The following SLC5A1 variants were observed in gnomAD, a reference collection of about 807,000 sequenced individuals.
SLC5A1 encodes the protein solute carrier family 5 member 1.
A neutral mutation model predicts 73.5 loss-of-function variants in SLC5A1; 42 were observed. The observed-to-expected ratio is 0.57, with a 90% confidence interval of 0.45 to 0.74. The LOEUF (loss-of-function observed/expected upper bound fraction) is 0.74. SLC5A1 is among the 30% of genes least tolerant of loss of function. The probability of loss-of-function intolerance (pLI) is 0.00; values close to 1 mark genes in which losing one functional copy is unlikely to be tolerated. For missense variants in SLC5A1, 634 were observed against 855.4 expected, an observed-to-expected ratio of 0.74 and a Z score of 3.23; for synonymous variants, 300 against 317.4, an observed-to-expected ratio of 0.95 and a Z score of 0.58.
At chr22:32,052,346 A>T (rs2093946154) in intron 2 of SLC5A1, among the ~76,000 whole-genome samples, 3 of 152,188 alleles carry the variant, frequency 2.0e-5, no homozygotes, top group Admixed American at 2.0e-4. Context: ...TGGGTAAAAT[A>T]TATCTGATTT....
Position 32,085,047 on chromosome 22 carries a change from T to C in SLC5A1, c.1021+12T>C. ...CATTCTGTACACAGGTAATAACTTC[T>C]GCTGGACCCACAAACCACTCTCCCT... On this transcript the variant is annotated intron_variant, in intron 9 of 14. Transcript: ENST00000266088. The C allele has an allele frequency of 6.2e-7, 1 of 1,614,166 alleles. No individual in the cohort carries two copies. Among genetic ancestry groups the C allele is most frequent in the Non-Finnish European group, 8.5e-7 (1 of 1,180,012 alleles).
intron 9 of SLC5A1, among the ~76,000 whole-genome samples, chr22:32,085,268 T>C (rs1019637073): frequency 7.2e-5 from 11 of 152,124 alleles, no homozygotes; most frequent in African/African-American, 2.7e-4. Flanking sequence ...ACTACAGGTA[T>C]GTACCACCAT....
rs201676029 is a variant in SLC5A1 at position 32,110,136 on chromosome 22, T to C, written c.1918T>C (p.Leu640=). The change falls in exon 15 of 15, where the codon TTG becomes CTG. Residue 640 remains leucine (L), a synonymous_variant. Coordinates refer to ENST00000266088, the MANE Select transcript of SLC5A1 (RefSeq NM_000343.4). ...MKMTDTSEKP[L]WRTVLNVNGI... is the part of the protein sequence containing the mutation. ...GATGACGGACACCTCTGAGAAGCCT[T>C]TGTGGAGGACAGTGTTGAACGTCAA... 9.8e-5 allele frequency: 158 copies of C among 1,614,016 alleles called. No individual in the cohort carries two copies. The highest frequency in any genetic ancestry group is 1.3e-4 in the Non-Finnish European group (155 of 1,180,004).
chr22:32,071,218 G>C (rs1198767378), intron 5 of SLC5A1, among the ~76,000 whole-genome samples: 1 of 152,214 alleles, frequency 6.6e-6, no homozygotes, highest in Non-Finnish European at 1.5e-5. Flanking sequence ...TTGGGAGGCT[G>C]AGGCATGAGG....
intron 2 of SLC5A1, among the ~76,000 whole-genome samples, chr22:32,064,732 C>T (rs78452946): frequency 2.6e-4 from 39 of 152,286 alleles, no homozygotes; most frequent in Admixed American, 1.0e-3. Flanking sequence ...CTAATCTCTA[C>T]GCTTGCCTTT....
chr22:32,098,401 C>G (rs1042729104), intron 11 of SLC5A1, among the ~76,000 whole-genome samples: 1 of 152,184 alleles, frequency 6.6e-6, no homozygotes, highest in African/African-American at 2.4e-5. Flanking sequence ...ATCACTAATT[C>G]TTATTCCCAC....
intron 5 of SLC5A1, among the ~76,000 whole-genome samples, chr22:32,079,887 A>AG (rs546142647): frequency 8.2e-4 from 125 of 152,316 alleles, no homozygotes; most frequent in Non-Finnish European, 1.2e-3. Flanking sequence ...TGCACAGCAG[A>AG]GGCGCCTTCC....
chr22:32,065,166 C>T (rs1246508359), intron 2 of SLC5A1, among the ~76,000 whole-genome samples: 5 of 152,096 alleles, frequency 3.3e-5, no homozygotes, highest in African/African-American at 1.2e-4. Context: ...AGGCTGGTCT[C>T]CAACTCCTGG....
Position 32,099,175 on chromosome 22 carries a change from A to C in SLC5A1, c.1281-8A>C. The C allele has an allele frequency of 3.8e-6, 6 of 1,583,296 alleles. No individual in the cohort carries two copies. Among genetic ancestry groups the C allele is most frequent in the Non-Finnish European group, 5.2e-6 (6 of 1,163,562 alleles). On this transcript the variant is annotated splice_region_variant and splice_polypyrimidine_tract_variant and intron_variant, in intron 11 of 14. Coordinates refer to ENST00000266088, the MANE Select transcript of SLC5A1 (RefSeq NM_000343.4). The stretch of plus-strand genomic sequence containing the variant: ...ATTGACACCTTGTTGTGGGGGCTTT[A>C]ATTTCAGGTTGTTTATCCTGGTGCT...
chr22:32,043,454 C>T lies in SLC5A1; in HGVS notation c.135+38C>T, dbSNP rs755043684. The T allele has an allele frequency of 7.5e-6, 12 of 1,609,108 alleles. No individual in the cohort carries two copies. The highest frequency in any genetic ancestry group is 4.5e-5 in the East Asian group (2 of 44,746). On this transcript the variant is annotated intron_variant, in intron 1 of 14. Coordinates refer to ENST00000266088, the MANE Select transcript of SLC5A1 (RefSeq NM_000343.4). This position sits in a 1 kb window ranked among gnomAD's most constrained non-coding sequence, Gnocchi z 6.5. ...TTCTGGGATGCGGGTGGGGAGGGTG[C>T]GCACAGAGGAGGAGCAATGGCCTCG...
rs537365750 is a variant in SLC5A1 at position 32,094,281 on chromosome 22, A to C, written c.1280+2519A>C. On this transcript the variant is annotated intron_variant, in intron 11 of 14. Coordinates refer to ENST00000266088, the MANE Select transcript of SLC5A1 (RefSeq NM_000343.4). ...GGATTTTTGCATCTATGTTCATTAG[A>C]GATATTGGTCTGTAGTTGTCTTTTT... is the stretch of plus-strand genomic sequence containing the variant. 3.3e-3 allele frequency among the ~76,000 whole-genome samples: 506 copies of C among 152,074 alleles called. 3 individuals carry two copies. Among genetic ancestry groups the C allele is most frequent in the African/African-American group, 0.012 (485 of 41,520 alleles).
chr22:32,050,063 C>T (rs2149483409), intron 2 of SLC5A1, 49 bp downstream of exon 2: 1 of 1,455,918 alleles, frequency 6.9e-7, no homozygotes, highest in Non-Finnish European at 9.7e-7. Context: ...ACTGATACTC[C>T]CTTTAGGAAC....
chr22:32,076,067 G>A (rs762507147), intron 5 of SLC5A1, among the ~76,000 whole-genome samples: 2 of 152,222 alleles, frequency 1.3e-5, no homozygotes, highest in Non-Finnish European at 2.9e-5. Context: ...AGGAGGGTTA[G>A]TGTGAGATTC....
chr22:32,073,137 C>T (rs2093985341), intron 5 of SLC5A1, among the ~76,000 whole-genome samples: 1 of 152,122 alleles, frequency 6.6e-6, no homozygotes, highest in African/African-American at 2.4e-5. Flanking sequence ...AAATGTACCC[C>T]CTTGTTTTCT....
In SLC5A1 at chr22:32,044,801, C is replaced by T. The variant is rs529600389; in HGVS notation, c.135+1385C>T. On this transcript the variant is annotated intron_variant, in intron 1 of 14. Transcript: ENST00000266088. ...CTCCCCCATGGTTGTGGTGAGGATA[C>T]GCAGAGGTGAATCTGAAAGCTGTTT... Among the ~76,000 whole-genome samples, 31 of 152,178 alleles carry T rather than the reference C, an allele frequency of 2.0e-4. No homozygotes were observed. The South Asian group carries it at 4.8e-3, about 23-fold the overall frequency.
At chr22:32,077,252 ACTCCCTCCTTCT>A (rs1178432481) in intron 5 of SLC5A1, among the ~76,000 whole-genome samples, 21 of 66,808 alleles carry the variant, frequency 3.1e-4, no homozygotes, top group Non-Finnish European at 4.9e-4. Context: ...CCCTTCCTTC[ACTCCCTCCTTCT>A]CTCCTTTCTT....
intron 10 of SLC5A1, among the ~76,000 whole-genome samples, chr22:32,088,903 A>G (rs188790622): frequency 1.2e-4 from 19 of 152,136 alleles, no homozygotes; most frequent in Admixed American, 5.9e-4. Flanking sequence ...ATCCACACCA[A>G]CTTGTGTCTA....
intron 10 of SLC5A1, 106 bp from the exon 11 acceptor site, chr22:32,091,506 T>C: frequency 7.8e-7 from 1 of 1,274,664 alleles, no homozygotes; most frequent in Non-Finnish European, 1.1e-6. Context: ...TTGGATAACA[T>C]GGCATGGTTT....
intron 12 of SLC5A1, 113 bp downstream of exon 12, chr22:32,099,464 C>G: frequency 1.9e-6 from 2 of 1,056,986 alleles, no homozygotes; most frequent in Non-Finnish European, 2.9e-6. Flanking sequence ...TGAGCAGACA[C>G]GGATGTGCTG....
Sources: gnomAD v4.1 joint callset for allele counts (sites outside exome capture counted in the v4.1 genomes callset) on GRCh38, gnomAD v4.1.1 for gene constraint, Gnocchi (gnomAD v3.1) non-coding constraint, MANE v1.5 for transcripts, NCBI Gene and HGNC (gene_info 2026-07-23, HGNC 2026-07-21) for gene names.